The following PRIMPOL variants were observed in gnomAD, a reference collection of about 807,000 sequenced individuals.
The protein encoded by PRIMPOL is DNA-directed primase/polymerase protein.
PRIMPOL carries 54 observed loss-of-function variants against 63.6 expected under a neutral mutation model. The observed-to-expected ratio is 0.85, with a 90% CI of 0.68 to 1.07. The LOEUF (loss-of-function observed/expected upper bound fraction) is 1.07. Ranked by LOEUF, PRIMPOL falls within the 50% of genes least tolerant of loss-of-function variation. PRIMPOL has a pLI of 0.00. For missense variants in PRIMPOL, 610 were observed against 648.3 expected (o/e 0.94, Z 0.64); for synonymous variants, 197 against 220.2 (o/e 0.89, Z 0.93).
Position 184,657,106 on chromosome 4 carries a change from G to T in PRIMPOL, c.-35G>T. ...GTAGTAATTGATAGAAATATTACGT[G>T]GGATAGGATTTATTCTCTCCACACT... On this transcript the variant is annotated 5_prime_UTR_variant, in exon 3 of 14. Coordinates refer to ENST00000314970, the MANE Select transcript of PRIMPOL (RefSeq NM_152683.4). The T allele has an allele frequency of 7.1e-7, 1 of 1,408,332 alleles. No individual in the cohort carries two copies. 87.2% of individuals were successfully genotyped at this position (1,408,332 alleles called of 1,614,324 possible). A position where few individuals can be genotyped will look rare whatever the true frequency, so the allele number is the denominator to read the frequency against.
At chr4:184,666,368 C>T (rs1749882180) in intron 6 of PRIMPOL, among the ~76,000 whole-genome samples, 2 of 152,138 alleles carry the variant, frequency 1.3e-5, no homozygotes, top group African/African-American at 4.8e-5. Flanking sequence ...GATGCTGAGG[C>T]ACAAGGATTG....
chr4:184,656,971 C>G (rs1560939695), intron 2 of PRIMPOL, 111 bp from the exon 3 acceptor site: 2 of 499,450 alleles, frequency 4.0e-6, no homozygotes, highest in Non-Finnish European at 6.6e-6. Flanking sequence ...AAACTTCATG[C>G]AAAGAATAAA....
At chr4:184,653,402 G>T (rs1035070206) in intron 2 of PRIMPOL, among the ~76,000 whole-genome samples, 5 of 152,102 alleles carry the variant, frequency 3.3e-5, no homozygotes, top group Non-Finnish European at 5.9e-5. Context: ...TTTCTAGCTT[G>T]ACCCCCTTTG....
intron 4 of PRIMPOL, 96 bp from the exon 5 acceptor site, chr4:184,661,678 C>A: frequency 1.3e-6 from 1 of 779,014 alleles, no homozygotes; most frequent in Non-Finnish European, 2.0e-6. Context: ...TGCAGTCCAG[C>A]CTGGGCAACA....
At chr4:184,672,022 G>A (rs940999729) in intron 6 of PRIMPOL, 151 bp from the exon 7 acceptor site, 13 of 721,870 alleles carry the variant, frequency 1.8e-5, no homozygotes, top group Non-Finnish European at 2.8e-5. Flanking sequence ...TTACAGGCGT[G>A]AGCCACTGTG....
intron 5 of PRIMPOL, among the ~76,000 whole-genome samples, chr4:184,664,479 G>A (rs1163770653): frequency 2.6e-5 from 4 of 152,206 alleles, no homozygotes; most frequent in South Asian, 4.1e-4. Flanking sequence ...ATGTGGCTCC[G>A]TACTGTTAGG....
chr4:184,654,818 C>T (rs1305319242), intron 2 of PRIMPOL, among the ~76,000 whole-genome samples: 1 of 152,016 alleles, frequency 6.6e-6, no homozygotes, highest in Non-Finnish European at 1.5e-5. Flanking sequence ...CCTAAGCATA[C>T]CTGTTATGAA....
At chr4:184,687,980 G>C (rs1207630951) in intron 11 of PRIMPOL, among the ~76,000 whole-genome samples, 1 of 152,204 alleles carries the variant, frequency 6.6e-6, no homozygotes, top group African/African-American at 2.4e-5. Flanking sequence ...CCTTGCGGTA[G>C]CATATCTGTG....
At chr4:184,672,121 G>A in intron 6 of PRIMPOL, 52 bp from the exon 7 acceptor site, 1 of 1,453,758 alleles carries the variant, frequency 6.9e-7, no homozygotes, top group Non-Finnish European at 9.4e-7. Context: ...TAGACCTTAA[G>A]ATGCGGTGTG....
chr4:184,662,297 G>T (rs533315618), intron 5 of PRIMPOL, among the ~76,000 whole-genome samples: 1 of 152,226 alleles, frequency 6.6e-6, no homozygotes, highest in South Asian at 2.1e-4. Flanking sequence ...ACTACAAATA[G>T]TATTAGAATT....
intron 3 of PRIMPOL, among the ~76,000 whole-genome samples, chr4:184,658,699 G>A (rs976190658): frequency 6.6e-6 from 1 of 152,078 alleles, no homozygotes; most frequent in East Asian, 1.9e-4. Flanking sequence ...TTGAGGTCAG[G>A]AGTTCGAGAC....
chr4:184,650,718 G>T (rs1215324534), intron 1 of PRIMPOL, among the ~76,000 whole-genome samples: 1 of 152,178 alleles, frequency 6.6e-6, no homozygotes, highest in Non-Finnish European at 1.5e-5. Flanking sequence ...ATGTGAGCAC[G>T]ACATTCTGCA....
At chr4:184,684,658 T>C (rs1756555264) in intron 9 of PRIMPOL, among the ~76,000 whole-genome samples, 1 of 152,012 alleles carries the variant, frequency 6.6e-6, no homozygotes, top group African/African-American at 2.4e-5. Flanking sequence ...AAGTGGGGCA[T>C]CTTGGGAAGA....
At chr4:184,671,898 G>A (rs1025344745) in intron 6 of PRIMPOL, among the ~76,000 whole-genome samples, 12 of 146,044 alleles carry the variant, frequency 8.2e-5, no homozygotes, top group Non-Finnish European at 1.4e-4. Context: ...GCACCACCAC[G>A]CCCTGCTAAT....
At chr4:184,663,365 C>T (rs990311375) in intron 5 of PRIMPOL, among the ~76,000 whole-genome samples, 10 of 152,050 alleles carry the variant, frequency 6.6e-5, no homozygotes, top group Non-Finnish European at 1.0e-4. Flanking sequence ...TTTAGTAATT[C>T]ATAAGTATTG....
intron 11 of PRIMPOL, among the ~76,000 whole-genome samples, chr4:184,686,845 T>G (rs1416274361): frequency 1.3e-5 from 2 of 152,086 alleles, no homozygotes; most frequent in African/African-American, 4.8e-5. Context: ...AACTATATGC[T>G]CAATACACAA....
chr4:184,658,391 A>G (rs1747209762), intron 3 of PRIMPOL, among the ~76,000 whole-genome samples: 1 of 152,334 alleles, frequency 6.6e-6, no homozygotes, highest in Non-Finnish European at 1.5e-5. Context: ...TGGACTTGCT[A>G]ATCACCAGTC....
intron 2 of PRIMPOL, among the ~76,000 whole-genome samples, chr4:184,653,559 C>T (rs1489544406): frequency 6.6e-6 from 1 of 152,184 alleles, no homozygotes; most frequent in African/African-American, 2.4e-5. Flanking sequence ...ACCATGTTGG[C>T]CAGGCTGGTC....
At chr4:184,652,218 A>G (rs1415843878) in intron 2 of PRIMPOL, 118 bp downstream of exon 2, 1 of 152,196 alleles carries the variant, frequency 6.6e-6, no homozygotes, top group Admixed American at 6.5e-5. Context: ...AAATAGGTAA[A>G]TGATTTAGGG....
Sources: gnomAD v4.1 joint callset for allele counts (sites outside exome capture counted in the v4.1 genomes callset) on GRCh38, gnomAD v4.1.1 for gene constraint, MANE v1.5 for transcripts, NCBI Gene and HGNC (gene_info 2026-07-23, HGNC 2026-07-21) for gene names.